The following CPQ variants were observed in gnomAD, a reference collection of about 807,000 sequenced individuals.
The protein encoded by CPQ is Ser-Met dipeptidase.
Under a neutral mutation model 45.7 loss-of-function variants are expected in CPQ, and 37 were observed. The ratio of observed to expected loss-of-function variants is 0.81; its 90% confidence interval spans 0.62 to 1.07. CPQ has a LOEUF of 1.07. Ranked by LOEUF, CPQ falls within the 50% of genes least tolerant of loss-of-function variation. CPQ has a pLI of 0.00. For synonymous variants in CPQ, 186 were observed against 205.8 expected (o/e 0.90, Z 0.82); for missense variants, 537 against 572.9 (o/e 0.94, Z 0.64).
At chr8:96,881,192 A>G (rs1396498507) in intron 4 of CPQ, among the ~76,000 whole-genome samples, 1 of 152,214 alleles carries the variant, frequency 6.6e-6, no homozygotes, top group Non-Finnish European at 1.5e-5. Context: ...CTATAAAGAA[A>G]TACCTAAGAC....
chr8:97,010,232 A>G (rs148290055), intron 5 of CPQ, among the ~76,000 whole-genome samples: 378 of 152,148 alleles, frequency 2.5e-3, no homozygotes, highest in African/African-American at 8.6e-3. Context: ...GTCCTAGGTT[A>G]TTTTTGCTTT....
At chr8:97,044,221 C>T (rs1810190606) in intron 6 of CPQ, among the ~76,000 whole-genome samples, 1 of 152,166 alleles carries the variant, frequency 6.6e-6, no homozygotes, top group Non-Finnish European at 1.5e-5. Flanking sequence ...CTTCTCGCTT[C>T]ATTTCATTCA....
intron 4 of CPQ, among the ~76,000 whole-genome samples, chr8:96,949,241 G>C (rs945455788): frequency 3.0e-5 from 4 of 132,070 alleles, no homozygotes; most frequent in African/African-American, 1.4e-4. Flanking sequence ...TACTGTCCTC[G>C]TTTATGTTTT....
At position 96,834,982 on chromosome 8, in the gene CPQ, C is replaced by A; in HGVS notation, c.443C>A (p.Ala148Glu). The A allele has an allele frequency of 6.2e-7, 1 of 1,611,832 alleles. No individual in the cohort carries two copies. The highest frequency in any genetic ancestry group is 8.5e-7 in the Non-Finnish European group (1 of 1,179,076). Reference protein sequence around the residue: ...SIGTPPEGITAEVLVVTSFDE... With the variant: ...SIGTPPEGITEEVLVVTSFDE... ...TGACTTTTATTTCTAGGCATTACAG[C>A]AGAAGTTCTGGTGGTGACCTCTTTC... The change falls in exon 3 of 8, where the codon GCA becomes GAA. Residue 148 changes from alanine to glutamate, a missense_variant. Physicochemically the swap from Ala to Glu is moderately radical, Grantham distance 107. Transcript: ENST00000220763.
chr8:96,856,331 C>G (rs1811850974), intron 3 of CPQ, among the ~76,000 whole-genome samples: 1 of 152,078 alleles, frequency 6.6e-6, no homozygotes, highest in South Asian at 2.1e-4. Flanking sequence ...GGGCAGTGGG[C>G]AAGCTTGGCT....
At chr8:96,890,218 G>T (rs1812355314) in intron 4 of CPQ, among the ~76,000 whole-genome samples, 1 of 152,126 alleles carries the variant, frequency 6.6e-6, no homozygotes, top group Non-Finnish European at 1.5e-5. Context: ...AAAGGAAAAA[G>T]AAAATGAAGA....
intron 3 of CPQ, among the ~76,000 whole-genome samples, chr8:96,879,538 A>G (rs1812191792): frequency 6.6e-6 from 1 of 152,190 alleles, no homozygotes; most frequent in Non-Finnish European, 1.5e-5. Context: ...GTTTGTGTCA[A>G]TTTGCAACTT....
chr8:96,925,386 CTTT>C (rs1328006543), intron 4 of CPQ, among the ~76,000 whole-genome samples: 2 of 139,870 alleles, frequency 1.4e-5, no homozygotes. Context: ...CAGGCCTCTG[CTTT>C]TTTTTTTTTT....
At chr8:96,653,578 C>G (rs926915633) in intron 1 of CPQ, among the ~76,000 whole-genome samples, 3 of 152,186 alleles carry the variant, frequency 2.0e-5, no homozygotes, top group African/African-American at 7.2e-5. Context: ...GGAAGCCTTA[C>G]CAGTAACATA....
At chr8:97,026,390 C>T (rs186644754) in intron 5 of CPQ, among the ~76,000 whole-genome samples, 1 of 152,246 alleles carries the variant, frequency 6.6e-6, no homozygotes, top group East Asian at 1.9e-4. Context: ...AGTGGCAGAG[C>T]CAGGAGTAAA....
In CPQ at chr8:97,143,025, A is replaced by C. The variant is rs142978571; in HGVS notation, c.1261A>C (p.Ser421Arg). 1 of 1,613,706 alleles carries C rather than the reference A, an allele frequency of 6.2e-7. No homozygotes were observed. The highest frequency in any genetic ancestry group is 8.5e-7 in the Non-Finnish European group (1 of 1,179,718). ...FWIQAGVPGA[S>R]LLDDLYKYFF... Reference sequence around the variant, plus strand: ...TCTTCCTCTTTTATCCCCAGGAGCCAGTCTACTTGATGACTTATACAAGTA... The same window carrying C: ...TCTTCCTCTTTTATCCCCAGGAGCCCGTCTACTTGATGACTTATACAAGTA... The change falls in exon 8 of 8, where the codon AGT (serine) becomes CGT (arginine). Residue 421 changes from serine (S) to arginine (R), a missense_variant. Physicochemically the swap from Ser to Arg is moderately radical, Grantham distance 110. Transcript: ENST00000220763.
intron 1 of CPQ, among the ~76,000 whole-genome samples, chr8:96,662,856 G>A (rs774977714): frequency 1.3e-5 from 2 of 151,962 alleles, no homozygotes; most frequent in Non-Finnish European, 2.9e-5. Flanking sequence ...GGTGTGGTGT[G>A]GCACTCCTGT....
At chr8:96,874,300 A>G (rs1812117675) in intron 3 of CPQ, among the ~76,000 whole-genome samples, 1 of 151,794 alleles carries the variant, frequency 6.6e-6, no homozygotes, top group Admixed American at 6.6e-5. Context: ...TGACTTTTAT[A>G]ATAGAAGTTC....
intron 1 of CPQ, among the ~76,000 whole-genome samples, chr8:96,741,188 C>A (rs1281235075): frequency 2.0e-5 from 3 of 152,160 alleles, no homozygotes; most frequent in African/African-American, 7.2e-5. Context: ...CAGCTTCTTC[C>A]TGGTTTAGTC....
At position 96,816,976 on chromosome 8, in the gene CPQ, C is replaced by T. The variant is rs149717371; in HGVS notation, c.434-17997C>T. Among the ~76,000 whole-genome samples, 475 of 152,138 alleles carry T rather than the reference C, an allele frequency of 3.1e-3. 1 individual carries two copies. Among genetic ancestry groups the T allele is most frequent in the African/African-American group, 0.01 (425 of 41,520 alleles). On this transcript the variant is annotated intron_variant, in intron 2 of 7. Coordinates refer to ENST00000220763, the MANE Select transcript of CPQ (RefSeq NM_016134.4). ...AGATTTAGCATAACTTTTAAAAGCC[C>T]TATGATTTTTGGAAAGGTAAATGAA...
At chr8:96,869,522 TTA>T (rs1206609398) in intron 3 of CPQ, among the ~76,000 whole-genome samples, 1 of 152,096 alleles carries the variant, frequency 6.6e-6, no homozygotes, top group Non-Finnish European at 1.5e-5. Context: ...GACATCTACA[TTA>T]GTGCCTTGCA....
intron 7 of CPQ, among the ~76,000 whole-genome samples, chr8:97,083,939 T>C (rs1188099760): frequency 1.3e-5 from 2 of 152,196 alleles, no homozygotes; most frequent in East Asian, 3.9e-4. Flanking sequence ...TTTATTTTTT[T>C]TCACACTGCC....
intron 7 of CPQ, among the ~76,000 whole-genome samples, chr8:97,106,641 T>C (rs1811410429): frequency 6.6e-6 from 1 of 152,214 alleles, no homozygotes; most frequent in Admixed American, 6.5e-5. Context: ...CAAATGGAGA[T>C]GTCAGGTAGA....
intron 1 of CPQ, among the ~76,000 whole-genome samples, chr8:96,670,821 A>G (rs939992667): frequency 1.3e-5 from 2 of 151,330 alleles, no homozygotes; most frequent in Non-Finnish European, 2.9e-5. Context: ...TTTAAATGAC[A>G]GAATTATAGA....
Sources: gnomAD v4.1 joint callset for allele counts (sites outside exome capture counted in the v4.1 genomes callset) on GRCh38, gnomAD v4.1.1 for gene constraint, MANE v1.5 for transcripts, NCBI Gene and HGNC (gene_info 2026-07-23, HGNC 2026-07-21) for gene names.